SETDB1: variants seen among roughly 807,000 people sequenced by gnomAD.
The protein encoded by SETDB1 is SET domain bifurcated histone lysine methyltransferase 1, also known as histone-lysine N-methyltransferase SETDB1.
In SETDB1, 31 loss-of-function variants were observed where a neutral mutation model predicts 137.4. The ratio of observed to expected loss-of-function variants is 0.23; its 90% CI spans 0.17 to 0.30. The LOEUF (loss-of-function observed/expected upper bound fraction) is 0.30. Ranked by LOEUF, SETDB1 falls within the 10% of genes least tolerant of loss-of-function variation. The pLI is 1.00. For missense variants in SETDB1, 1,113 were observed against 1,631.5 expected (o/e 0.68, Z 5.47); for synonymous variants, 548 against 579.9 (o/e 0.95, Z 0.79).
chr1:150,929,051 C>T (rs1340161003), intron 2 of SETDB1, among the ~76,000 whole-genome samples: 1 of 152,166 alleles, frequency 6.6e-6, no homozygotes, highest in African/African-American at 2.4e-5. Context: ...CCGCAATAAA[C>T]ATACGTGTGC....
At chr1:150,954,591 A>G (rs1271379894) in intron 14 of SETDB1, among the ~76,000 whole-genome samples, 1 of 152,200 alleles carries the variant, frequency 6.6e-6, no homozygotes, top group East Asian at 1.9e-4. Flanking sequence ...ACTGAGGGAA[A>G]AAAAAATCCT....
chr1:150,962,288 C>G, intron 17 of SETDB1, 130 bp downstream of exon 17: 1 of 856,610 alleles, frequency 1.2e-6, no homozygotes, highest in Non-Finnish European at 2.0e-6. Context: ...CCCACCTCAG[C>G]CTCCCTAGTA....
intron 3 of SETDB1, among the ~76,000 whole-genome samples, chr1:150,931,800 C>A (rs926385726): frequency 8.1e-5 from 12 of 147,724 alleles, no homozygotes; most frequent in Non-Finnish European, 1.2e-4. Flanking sequence ...GGTGTTTAAC[C>A]ATTAATTATG....
At position 150,964,394 on chromosome 1, in the gene SETDB1, A is replaced by G; in HGVS notation, c.*30A>G. ...CAGCCTTCTTCCCAACCCTTCTTGA[A>G]CTGTCGTTTCCTCAGGAACTGGGTC... On this transcript the variant is annotated 3_prime_UTR_variant, in exon 22 of 22. Transcript: ENST00000692827. 2 of 1,526,510 alleles carry G rather than the reference A, an allele frequency of 1.3e-6. No individual in the cohort carries two copies. Among genetic ancestry groups the G allele is most frequent in the Non-Finnish European group, 1.8e-6 (2 of 1,102,674 alleles). 94.6% of individuals were successfully genotyped at this position (1,526,510 alleles called of 1,614,324 possible). A position where few individuals can be genotyped will look rare whatever the true frequency, so the allele number is the denominator to read the frequency against.
At chr1:150,944,868 T>A (rs1489312252) in intron 8 of SETDB1, 50 bp from the exon 9 acceptor site, 1 of 1,598,890 alleles carries the variant, frequency 6.3e-7, no homozygotes, top group African/African-American at 1.3e-5. Context: ...CTTTTCCCTA[T>A]CAAGACATGC....
intron 14 of SETDB1, among the ~76,000 whole-genome samples, chr1:150,956,978 C>T (rs1670659798): frequency 6.6e-6 from 1 of 151,972 alleles, no homozygotes; most frequent in Non-Finnish European, 1.5e-5. Context: ...ATTAGCTGGG[C>T]ATGTGGCATG....
intron 14 of SETDB1, among the ~76,000 whole-genome samples, chr1:150,951,740 A>T (rs2102721137): frequency 6.6e-6 from 1 of 152,342 alleles, no homozygotes. Context: ...TCTTAATTTC[A>T]TAGCTAAATG....
chr1:150,938,961 C>G (rs1408867739), intron 3 of SETDB1, among the ~76,000 whole-genome samples: 1 of 151,940 alleles, frequency 6.6e-6, no homozygotes, highest in African/African-American at 2.4e-5. Context: ...CCACTGCACT[C>G]CACTGGTCTT....
rs762354807 is a variant in SETDB1 at position 150,950,821 on chromosome 1, T to G, written c.1947T>G (p.Thr649=). The change falls in exon 13 of 22, where the codon ACT becomes ACG. Residue 649 remains threonine (T), a synonymous_variant. Transcript: ENST00000692827. The part of the protein sequence containing the change: ...MQEIERYLFE[T]GCDFLFLEMF... The stretch of plus-strand genomic sequence containing the variant: ...AGATAGAACGCTACCTTTTCGAGAC[T>G]GGCTGTGACTTCCTCTTCCTGGAGA... 2 of 1,614,244 alleles carry G rather than the reference T, an allele frequency of 1.2e-6. No homozygotes were observed. Among genetic ancestry groups the G allele is most frequent in the Non-Finnish European group, 1.7e-6 (2 of 1,180,046 alleles).
chr1:150,943,836 T>C lies in SETDB1; in HGVS notation c.876-84T>C, dbSNP rs936964187. 3.6e-6 allele frequency: 3 copies of C among 829,924 alleles called. No homozygotes were observed. The African/African-American group carries it at 5.0e-5, about 14-fold the overall frequency. 51.4% of individuals were successfully genotyped at this position (829,924 alleles called of 1,614,324 possible). A position where few individuals can be genotyped will look rare whatever the true frequency, so the allele number is the denominator to read the frequency against. ...TGCATCGTGTTGTGATCCAGAGAAG[T>C]AGAAGCTATGATAAAATAATTTCTG... On this transcript the variant is annotated intron_variant, in intron 7 of 21. Coordinates refer to ENST00000692827, the MANE Select transcript of SETDB1 (RefSeq NM_001366418.1).
chr1:150,938,602 C>T (rs1670019375), intron 3 of SETDB1, among the ~76,000 whole-genome samples: 1 of 150,674 alleles, frequency 6.6e-6, no homozygotes, highest in African/African-American at 2.4e-5. Context: ...GGTCCCGGTT[C>T]AAGTGATTCT....
intron 14 of SETDB1, among the ~76,000 whole-genome samples, chr1:150,951,907 G>A (rs1195195779): frequency 6.6e-6 from 1 of 152,202 alleles, no homozygotes; most frequent in African/African-American, 2.4e-5. Context: ...CAGCACTTTC[G>A]GAGGCCAAGG....
intron 3 of SETDB1, among the ~76,000 whole-genome samples, chr1:150,931,272 AAAAAAAAAAG>A (rs1160130319): frequency 6.7e-6 from 1 of 148,668 alleles, no homozygotes; most frequent in Admixed American, 6.8e-5. Context: ...AAAAAAAAAA[AAAAAAAAAAG>A]GGTTTCCAGA....
intron 3 of SETDB1, 86 bp downstream of exon 3, chr1:150,930,204 G>C: frequency 8.3e-6 from 10 of 1,202,528 alleles, no homozygotes; most frequent in Admixed American, 2.3e-5. Context: ...TAGAAGAGAG[G>C]AGAAACCATT....
intron 3 of SETDB1, among the ~76,000 whole-genome samples, chr1:150,932,937 GGTT>G (rs1669807640): frequency 6.6e-6 from 1 of 151,642 alleles, no homozygotes; most frequent in African/African-American, 2.4e-5. Flanking sequence ...TTTTCCTTGT[GGTT>G]GTTTGATTTC....
At position 150,930,021 on chromosome 1, in the gene SETDB1, A is replaced by G. The variant is rs763098871; in HGVS notation, c.315A>G (p.Leu105=). ...LVKDFYSKLG[L]QYRDSSSEDE... is the part of the protein sequence containing the mutation. ...AGGACTTCTACTCCAAGCTGGGACTACAATACCGGGACAGTAGCTCTGAGG... is the reference window on the plus strand; with the variant it reads ...AGGACTTCTACTCCAAGCTGGGACTGCAATACCGGGACAGTAGCTCTGAGG... Residue 105 remains leucine (L), a synonymous_variant, in exon 3 of 22, where the codon CTA becomes CTG. Transcript: ENST00000692827. 3.7e-6 allele frequency: 6 copies of G among 1,613,966 alleles called. No individual in the cohort carries two copies. The highest frequency in any genetic ancestry group is 3.3e-5 in the Admixed American group (2 of 59,994).
At chr1:150,945,512 C>T (rs944961181) in intron 9 of SETDB1, among the ~76,000 whole-genome samples, 3 of 152,076 alleles carry the variant, frequency 2.0e-5, no homozygotes, top group African/African-American at 7.2e-5. Flanking sequence ...TGTACTCATC[C>T]TTTTCTCCCT....
chr1:150,953,399 A>C (rs1670552173), intron 14 of SETDB1, among the ~76,000 whole-genome samples: 1 of 150,894 alleles, frequency 6.6e-6, no homozygotes, highest in Non-Finnish European at 1.5e-5. Context: ...GGTGGCGAGC[A>C]CCTGTAATCC....
chr1:150,955,937 A>T (rs1248009493), intron 14 of SETDB1, among the ~76,000 whole-genome samples: 1 of 151,994 alleles, frequency 6.6e-6, no homozygotes, highest in African/African-American at 2.4e-5. Context: ...AATAAAGTAT[A>T]AAAAATTAGC....
Sources: allele counts gnomAD v4.1 joint callset (sites outside exome capture counted in the v4.1 genomes callset), GRCh38; gene constraint gnomAD v4.1.1; transcripts MANE v1.5; gene names NCBI Gene and HGNC (gene_info 2026-07-23, HGNC 2026-07-21).